MALRD1: variants seen among roughly 807,000 people sequenced by gnomAD.
MALRD1 encodes MAM and LDL receptor class A domain containing 1.
MALRD1 carries 247 observed loss-of-function variants against 242.1 expected under a neutral mutation model. The ratio of observed to expected loss-of-function variants is 1.02; its 90% CI spans 0.92 to 1.13. MALRD1 has a LOEUF of 1.13. Among genes scored for constraint, MALRD1 ranks in the 50% most tolerant of loss-of-function variants. MALRD1 has a pLI of 0.00. For synonymous variants in MALRD1, 995 were observed against 866.6 expected (o/e 1.15, Z -2.60); for missense variants, 2,989 against 2,533.1 (o/e 1.18, Z -3.86).
chr10:19,533,424 C>T (rs906469376), intron 32 of MALRD1, among the ~76,000 whole-genome samples: 20 of 151,906 alleles, frequency 1.3e-4, no homozygotes, highest in African/African-American at 4.8e-5. Context: ...ATTGATTTTT[C>T]TGTAGCAACA....
intron 22 of MALRD1, among the ~76,000 whole-genome samples, chr10:19,325,844 AT>A (rs1843103086): frequency 6.6e-6 from 1 of 152,072 alleles, no homozygotes; most frequent in South Asian, 2.1e-4. Flanking sequence ...CAGTAGAGAG[AT>A]ACAGACTGTG....
rs1413207261 is a variant in MALRD1, at chr10:19,204,366, G to T, written c.2163G>T (p.Gln721His). 2 of 1,545,258 alleles carry T rather than the reference G, an allele frequency of 1.3e-6. No individual in the cohort carries two copies. Among genetic ancestry groups the T allele is most frequent in the Non-Finnish European group, 1.7e-6 (2 of 1,145,038 alleles). The change falls in exon 16 of 40, where the codon CAG becomes CAT. Residue 721 changes from glutamine (Q) to histidine (H), a missense_variant. By Grantham distance (24) the Gln-to-His change is conservative. Coordinates refer to ENST00000454679, the MANE Select transcript of MALRD1 (RefSeq NM_001142308.3). ...SSSLWQVAKLQSPTFSQTGPG... is the reference protein window; with the variant it reads ...SSSLWQVAKLHSPTFSQTGPG... ...GCTTGTGGCAAGTTGCTAAGCTTCAGAGCCCAACTTTCAGCCAGACAGGAC... is the reference window on the plus strand; with the variant it reads ...GCTTGTGGCAAGTTGCTAAGCTTCATAGCCCAACTTTCAGCCAGACAGGAC...
intron 38 of MALRD1, among the ~76,000 whole-genome samples, chr10:19,712,508 A>G (rs968172250): frequency 5.9e-5 from 9 of 152,228 alleles, no homozygotes; most frequent in African/African-American, 2.2e-4. Flanking sequence ...CCATTTTTCT[A>G]GACAGATTCT....
intron 36 of MALRD1, among the ~76,000 whole-genome samples, chr10:19,662,067 T>C (rs1841466555): frequency 6.6e-6 from 1 of 152,134 alleles, no homozygotes. Flanking sequence ...GTAGCATCTG[T>C]TAATGTAATC....
upstream of MALRD1, among the ~76,000 whole-genome samples, chr10:19,048,358 A>G (rs1188860343): frequency 1.3e-5 from 2 of 152,248 alleles, no homozygotes; most frequent in African/African-American, 2.4e-5. Flanking sequence ...CCCATGGGCT[A>G]TAGACAGACA....
At chr10:19,380,108 G>A (rs1845775466) in intron 26 of MALRD1, among the ~76,000 whole-genome samples, 1 of 151,192 alleles carries the variant, frequency 6.6e-6, no homozygotes, top group Non-Finnish European at 1.5e-5. Flanking sequence ...CCAAGTAGCT[G>A]GGATTACAGA....
At chr10:19,193,909 G>GA (rs1836113125) in intron 14 of MALRD1, among the ~76,000 whole-genome samples, 3 of 151,440 alleles carry the variant, frequency 2.0e-5, no homozygotes, top group Admixed American at 1.3e-4. Context: ...TAACATGACA[G>GA]AAAAAAATCA....
intron 29 of MALRD1, among the ~76,000 whole-genome samples, chr10:19,469,479 G>A (rs934692697): frequency 6.6e-6 from 1 of 152,114 alleles, no homozygotes; most frequent in African/African-American, 2.4e-5. Flanking sequence ...TTTTCTGAGC[G>A]ATGTGTGTTT....
chr10:19,392,481 A>G (rs1846381745), intron 28 of MALRD1, among the ~76,000 whole-genome samples: 1 of 152,254 alleles, frequency 6.6e-6, no homozygotes, highest in South Asian at 2.1e-4. Flanking sequence ...GAATGGCCAT[A>G]TATGATTCTT....
At chr10:19,136,889 A>C in intron 10 of MALRD1, 108 bp downstream of exon 10, 1 of 654,482 alleles carries the variant, frequency 1.5e-6, no homozygotes, top group Non-Finnish European at 2.2e-6. Flanking sequence ...ATATGTATGA[A>C]ATGTGATAAA....
At chr10:19,402,677 C>A (rs915123062) in intron 28 of MALRD1, among the ~76,000 whole-genome samples, 1 of 152,098 alleles carries the variant, frequency 6.6e-6, no homozygotes, top group African/African-American at 2.4e-5. Flanking sequence ...CCCTTAAAAT[C>A]TTTCTTAATA....
intron 36 of MALRD1, among the ~76,000 whole-genome samples, chr10:19,642,895 G>T (rs149448415): frequency 1.3e-5 from 2 of 152,126 alleles, no homozygotes; most frequent in Non-Finnish European, 2.9e-5. Context: ...ATGCTGATAG[G>T]CATGAGCAAA....
At chr10:19,508,402 CAT>C (rs1833241488) in intron 31 of MALRD1, among the ~76,000 whole-genome samples, 2 of 152,234 alleles carry the variant, frequency 1.3e-5, no homozygotes, top group South Asian at 4.2e-4. Context: ...TGATGTAAAA[CAT>C]GATGTTTTTA....
chr10:19,717,209 C>G (rs1360668320), intron 38 of MALRD1, among the ~76,000 whole-genome samples: 1 of 152,130 alleles, frequency 6.6e-6, no homozygotes, highest in Admixed American at 6.6e-5. Flanking sequence ...ATTTAGCATG[C>G]AACTCAATCT....
intron 22 of MALRD1, among the ~76,000 whole-genome samples, chr10:19,326,763 T>A (rs535236182): frequency 7.1e-4 from 108 of 152,256 alleles, no homozygotes; most frequent in African/African-American, 2.5e-3. Flanking sequence ...TCTTCACTTT[T>A]AAAAGTCAGG....
At chr10:19,404,145 A>T (rs970793910) in intron 28 of MALRD1, among the ~76,000 whole-genome samples, 3 of 152,092 alleles carry the variant, frequency 2.0e-5, no homozygotes, top group Non-Finnish European at 4.4e-5. Context: ...ATGGGAGCAT[A>T]TAAGTAAAAC....
At chr10:19,400,689 T>C (rs990274934) in intron 28 of MALRD1, among the ~76,000 whole-genome samples, 1 of 152,066 alleles carries the variant, frequency 6.6e-6, no homozygotes, top group Non-Finnish European at 1.5e-5. Flanking sequence ...AAAAATTAAA[T>C]TGGATTTTGA....
At chr10:19,300,521 A>G (rs1453662929) in intron 21 of MALRD1, among the ~76,000 whole-genome samples, 2 of 151,944 alleles carry the variant, frequency 1.3e-5, no homozygotes, top group Admixed American at 6.6e-5. Flanking sequence ...ACATAGACCA[A>G]TAGAAGAGGT....
At chr10:19,458,316 A>T (rs1393903142) in intron 29 of MALRD1, among the ~76,000 whole-genome samples, 1 of 152,160 alleles carries the variant, frequency 6.6e-6, no homozygotes, top group African/African-American at 2.4e-5. Flanking sequence ...AGCTTGTTAT[A>T]ATTAGTTTAT....
Sources: gnomAD v4.1 joint callset for allele counts (sites outside exome capture counted in the v4.1 genomes callset) on GRCh38, gnomAD v4.1.1 for gene constraint, MANE v1.5 for transcripts, NCBI Gene and HGNC (gene_info 2026-07-23, HGNC 2026-07-21) for gene names.